The following WASHC5 variants were observed in gnomAD, a reference collection of about 807,000 sequenced individuals.
The protein encoded by WASHC5 is WASH complex subunit 5.
WASHC5 carries 101 observed loss-of-function variants against 150.4 expected under a neutral mutation model. The ratio of observed to expected loss-of-function variants is 0.67; its 90% CI spans 0.57 to 0.79. The LOEUF is 0.79. WASHC5 is among the 30% of genes least tolerant of loss of function. The pLI, the probability that WASHC5 is intolerant of heterozygous loss-of-function variation, is 0.00. For synonymous variants in WASHC5, 467 were observed against 491.2 expected (o/e 0.95, Z 0.65); for missense variants, 1,195 against 1,396.3 (o/e 0.86, Z 2.30).
At chr8:125,086,034 T>C (rs1817410290) in intron 1 of WASHC5, among the ~76,000 whole-genome samples, 1 of 152,118 alleles carries the variant, frequency 6.6e-6, no homozygotes, top group African/African-American at 2.4e-5. Context: ...AACAATTCCT[T>C]GCCATGAAGT....
chr8:125,061,877 G>C (rs80021131), intron 11 of WASHC5, among the ~76,000 whole-genome samples: 4,005 of 152,326 alleles, frequency 0.026, 183 homozygotes, highest in African/African-American at 0.092. Flanking sequence ...CCCAGATAAA[G>C]AGGCTGATGC....
At chr8:125,090,535 T>C (rs1817575545) in intron 1 of WASHC5, among the ~76,000 whole-genome samples, 1 of 152,212 alleles carries the variant, frequency 6.6e-6, no homozygotes, top group Non-Finnish European at 1.5e-5. Context: ...TCCCACTATA[T>C]TTTCTTATTT....
intron 28 of WASHC5, among the ~76,000 whole-genome samples, chr8:125,026,871 A>ACTTAGG (rs1485252252): frequency 1.3e-5 from 2 of 152,124 alleles, no homozygotes; most frequent in Non-Finnish European, 2.9e-5. Context: ...AAGTCCTATG[A>ACTTAGG]CATTTTAAAA....
intron 28 of WASHC5, among the ~76,000 whole-genome samples, chr8:125,028,326 G>T (rs1269211440): frequency 6.6e-6 from 1 of 152,178 alleles, no homozygotes; most frequent in African/African-American, 2.4e-5. Context: ...GCCACTTAAG[G>T]AATCCCTCCT....
chr8:125,043,281 G>A (rs1815949384), intron 23 of WASHC5, among the ~76,000 whole-genome samples: 1 of 152,186 alleles, frequency 6.6e-6, no homozygotes, highest in Non-Finnish European at 1.5e-5. Context: ...AGGAAACTAG[G>A]CAGCTGGATT....
intron 20 of WASHC5, among the ~76,000 whole-genome samples, chr8:125,045,876 A>G (rs1228023825): frequency 6.6e-6 from 1 of 152,204 alleles, no homozygotes; most frequent in Non-Finnish European, 1.5e-5. Context: ...CTGCACTAAT[A>G]GGGCACTGGG....
chr8:125,074,025 T>A (rs1816978407), intron 8 of WASHC5, among the ~76,000 whole-genome samples: 2 of 152,326 alleles, frequency 1.3e-5, no homozygotes, highest in South Asian at 4.1e-4. Context: ...TAGCAAAAAA[T>A]ACACCTTAGT....
chr8:125,047,291 G>A lies in WASHC5; in HGVS notation c.2420C>T (p.Pro807Leu). ...WQSMYQSTHI[P>L]IPKFTPVDES... The stretch of plus-strand genomic sequence containing the variant: ...ATCCACAGGGGTAAACTTGGGTATT[G>A]GAATATGAGTGGACTGGTACATGCT... Residue 807 changes from proline to leucine, a missense_variant, in exon 20 of 29, where the codon CCA becomes CTA. Physicochemically the swap from Pro to Leu is moderately conservative, Grantham distance 98. Coordinates refer to ENST00000318410, the MANE Select transcript of WASHC5 (RefSeq NM_014846.4). 6.2e-7 allele frequency: 1 copy of A among 1,613,874 alleles called. No individual in the cohort carries two copies. Among genetic ancestry groups the A allele is most frequent in the Non-Finnish European group, 8.5e-7 (1 of 1,179,806 alleles).
intron 27 of WASHC5, among the ~76,000 whole-genome samples, chr8:125,030,876 C>T (rs1457564042): frequency 2.0e-5 from 3 of 152,072 alleles, no homozygotes; most frequent in African/African-American, 4.8e-5. Context: ...ACATCGGGAA[C>T]AGGTGGAAGG....
chr8:125,045,468 C>A (rs1021470458), intron 20 of WASHC5, among the ~76,000 whole-genome samples: 1 of 152,184 alleles, frequency 6.6e-6, no homozygotes, highest in African/African-American at 2.4e-5. Context: ...GAGAGAGGGA[C>A]CCTGAGTCCC....
chr8:125,062,979 T>A (rs1436078677), intron 11 of WASHC5, among the ~76,000 whole-genome samples: 5 of 152,198 alleles, frequency 3.3e-5, no homozygotes, highest in Admixed American at 3.3e-4. Flanking sequence ...TTTTAGTTTG[T>A]GTTTTTTCAA....
chr8:125,075,129 C>G lies in WASHC5; in HGVS notation c.865-18G>C. ...CTAATTACCTGAAAGAGGAGACATT[C>G]AGAATTTGTTAAATTCCTACTCACT... On this transcript the variant is annotated intron_variant, in intron 7 of 28. Coordinates refer to ENST00000318410, the MANE Select transcript of WASHC5 (RefSeq NM_014846.4). 6.8e-7 allele frequency: 1 copy of G among 1,464,534 alleles called. No individual in the cohort carries two copies. The highest frequency in any genetic ancestry group is 9.6e-7 in the Non-Finnish European group (1 of 1,044,092). The allele number at this position is 1,464,534 out of a possible 1,614,324, so 90.7% of individuals were successfully genotyped here. A position where few individuals can be genotyped will look rare whatever the true frequency, so the allele number is the denominator to read the frequency against.
chr8:125,027,947 C>A (rs570574550), intron 28 of WASHC5, among the ~76,000 whole-genome samples: 2 of 152,300 alleles, frequency 1.3e-5, no homozygotes, highest in South Asian at 4.1e-4. Context: ...GGGAATGCCA[C>A]TAACATTTCA....
chr8:125,026,331 C>T (rs1325207553), intron 28 of WASHC5, among the ~76,000 whole-genome samples: 1 of 152,172 alleles, frequency 6.6e-6, no homozygotes. Context: ...GAAGAGCACA[C>T]TATAAATCAA....
Position 125,063,419 on chromosome 8 carries a change from CAAT to C in WASHC5, c.1408+100_1408+102del, listed in dbSNP as rs1426607652. On this transcript the variant is annotated intron_variant, in intron 11 of 28. Coordinates refer to ENST00000318410, the MANE Select transcript of WASHC5 (RefSeq NM_014846.4). Reference sequence around the variant, plus strand: ...ACTAAAGATGGAATATCATAGGATACAATAATGAGAACATAAAGTCTTTTTAAC... The same window carrying C: ...ACTAAAGATGGAATATCATAGGATACAATGAGAACATAAAGTCTTTTTAAC... 4 of 1,244,614 alleles carry C rather than the reference CAAT, an allele frequency of 3.2e-6. No individual in the cohort carries two copies. The African/African-American group carries it at 4.5e-5, about 14-fold the overall frequency. 77.1% of individuals were successfully genotyped at this position (1,244,614 alleles called of 1,614,324 possible). A position where few individuals can be genotyped will look rare whatever the true frequency, so the allele number is the denominator to read the frequency against.
rs150937883 is a variant in WASHC5 at position 125,066,792 on chromosome 8, A to G, written c.1278+800T>C. The stretch of plus-strand genomic sequence containing the variant: ...TTGTTTATGTTCCTCCTCACCAAAG[A>G]CGACTTGATATTCTTCCTGTCCCTG... On this transcript the variant is annotated intron_variant, in intron 10 of 28. Coordinates refer to ENST00000318410, the MANE Select transcript of WASHC5 (RefSeq NM_014846.4). 3.9e-5 allele frequency among the ~76,000 whole-genome samples: 6 copies of G among 152,210 alleles called. No homozygotes were observed. In the East Asian group the frequency reaches 7.7e-4, roughly 20 times the overall value.
intron 17 of WASHC5, 30 bp downstream of exon 17, chr8:125,055,561 C>T (rs138703590): frequency 1.1e-5 from 15 of 1,328,290 alleles, no homozygotes; most frequent in East Asian, 2.3e-5. Flanking sequence ...AGTCATGGTG[C>T]GAGGCCACGC....
chr8:125,091,390 G>C (rs556623240), intron 1 of WASHC5, among the ~76,000 whole-genome samples: 1 of 152,200 alleles, frequency 6.6e-6, no homozygotes, highest in East Asian at 1.9e-4. Context: ...GCAGCTGAAC[G>C]GTGCTTCCTA....
chr8:125,039,922 C>A, intron 23 of WASHC5, 24 bp from the exon 24 acceptor site: 2 of 1,496,994 alleles, frequency 1.3e-6, no homozygotes, highest in Non-Finnish European at 1.9e-6. Context: ...AGAGAAAGAA[C>A]AGGTAGTGCA....
Sources: gnomAD v4.1 joint callset for allele counts (sites outside exome capture counted in the v4.1 genomes callset) on GRCh38, gnomAD v4.1.1 for gene constraint, MANE v1.5 for transcripts, NCBI Gene and HGNC (gene_info 2026-07-23, HGNC 2026-07-21) for gene names.